PRDM11: variants seen among roughly 807,000 people sequenced by gnomAD.
PRDM11 encodes PR/SET domain 11, also known as PR domain-containing protein 11.
Under a neutral mutation model 97.8 loss-of-function variants are expected in PRDM11, and 20 were observed. The ratio of observed to expected loss-of-function variants is 0.20; its 90% CI spans 0.14 to 0.30. The LOEUF is 0.30. Among genes scored for constraint, PRDM11 ranks in the 10% least tolerant of loss-of-function variants. The probability of loss-of-function intolerance (pLI) is 1.00; values close to 1 mark genes in which losing one functional copy is unlikely to be tolerated. For missense variants in PRDM11, 1,139 were observed against 1,555.2 expected (o/e 0.73, Z 4.50); for synonymous variants, 599 against 637.7 (o/e 0.94, Z 0.91).
chr11:45,201,955 G>A (rs1352833333), intron 4 of PRDM11, among the ~76,000 whole-genome samples: 1 of 151,930 alleles, frequency 6.6e-6, no homozygotes, highest in Non-Finnish European at 1.5e-5. Context: ...CTGGGTGATG[G>A]AGCGAGACTC....
At position 45,225,990 on chromosome 11, in the gene PRDM11, T is replaced by C; in HGVS notation, c.1370-5T>C. 1 of 1,476,658 alleles carries C rather than the reference T, an allele frequency of 6.8e-7. No homozygotes were observed. The highest frequency in any genetic ancestry group is 9.0e-7 in the Non-Finnish European group (1 of 1,116,406). The allele number at this position is 1,476,658 out of a possible 1,614,324, so 91.5% of individuals were successfully genotyped here. ...ATAAATGTTTCTTTCCCATTTGTTT[T>C]TCAGCCTCAGAAAGCATGGTCTCCG... is the stretch of plus-strand genomic sequence containing the variant. On this transcript the variant is annotated splice_region_variant and splice_polypyrimidine_tract_variant and intron_variant, in intron 7 of 7. Transcript: ENST00000683152.
chr11:45,185,973 C>T (rs561146237), intron 4 of PRDM11, among the ~76,000 whole-genome samples: 10 of 151,932 alleles, frequency 6.6e-5, no homozygotes, highest in Admixed American at 3.3e-4. Flanking sequence ...GCTCTGCTGG[C>T]CTTCGAGATA....
intron 1 of PRDM11, among the ~76,000 whole-genome samples, chr11:45,129,943 T>G (rs1852681866): frequency 6.6e-6 from 1 of 152,108 alleles, no homozygotes; most frequent in Non-Finnish European, 1.5e-5. Flanking sequence ...AATAGAAGAA[T>G]GAAGTAGGAT....
At position 45,228,050 on chromosome 11, in the gene PRDM11, G is replaced by A; in HGVS notation, c.3425G>A (p.Gly1142Glu). 12 of 1,533,762 alleles carry A rather than the reference G, an allele frequency of 7.8e-6. No homozygotes were observed. Among genetic ancestry groups the A allele is most frequent in the Non-Finnish European group, 9.6e-6 (11 of 1,146,714 alleles). Residue 1142 changes from glycine (G) to glutamate (E), a missense_variant, in exon 8 of 8, where the codon GGG (glycine) becomes GAG (glutamate). Coordinates refer to ENST00000683152, the MANE Select transcript of PRDM11 (RefSeq NM_001384648.1). ...ALDSWFEEKS[G>E]NSYALSAEVL... ...GACAGCTGGTTTGAGGAGAAGTCTG[G>A]GAACAGTTACGCGCTGTCTGCAGAA...
rs1854388892 is a variant in PRDM11, at chr11:45,231,004, T to G, written c.*2845T>G. The stretch of plus-strand genomic sequence containing the variant: ...ACAGCATGCAGCTGCAGGGGTCACT[T>G]CCTGAGCTGGCCACCAGACCTCGGA... On this transcript the variant is annotated 3_prime_UTR_variant, in exon 8 of 8. Transcript: ENST00000683152. 1 of 152,230 alleles carries G rather than the reference T, an allele frequency of 6.6e-6. No individual in the cohort carries two copies. The highest frequency in any genetic ancestry group is 1.5e-5 in the Non-Finnish European group (1 of 68,048). The allele number at this position is 152,230 out of a possible 1,614,324, so 9.4% of individuals were successfully genotyped here.
chr11:45,111,503 G>C (rs1852180393), intron 1 of PRDM11, among the ~76,000 whole-genome samples: 1 of 152,152 alleles, frequency 6.6e-6, no homozygotes, highest in African/African-American at 2.4e-5. Context: ...TGAACACTCA[G>C]TTAAGGTTCT....
At chr11:45,167,215 T>A (rs1852085032) in intron 1 of PRDM11, among the ~76,000 whole-genome samples, 2 of 152,242 alleles carry the variant, frequency 1.3e-5, no homozygotes, top group Non-Finnish European at 2.9e-5. Context: ...CAAGGTCTTA[T>A]TGGAGCTTAC....
chr11:45,100,263 G>A (rs896700066), intron 1 of PRDM11, among the ~76,000 whole-genome samples: 2 of 152,200 alleles, frequency 1.3e-5, no homozygotes, highest in African/African-American at 4.8e-5. Flanking sequence ...TAAAATCCGA[G>A]TGACTGAGAC....
chr11:45,095,210 G>T (rs1851872969), upstream of PRDM11, among the ~76,000 whole-genome samples: 1 of 152,176 alleles, frequency 6.6e-6, no homozygotes. Context: ...CCTGCCATGG[G>T]CCTCAAAGCC....
chr11:45,145,073 T>A (rs566501066), upstream of PRDM11, among the ~76,000 whole-genome samples: 1 of 152,048 alleles, frequency 6.6e-6, no homozygotes, highest in East Asian at 1.9e-4. Flanking sequence ...GAACCTCATA[T>A]AACGATAGGG....
At chr11:45,201,825 TAGTC>T (rs1853338953) in intron 4 of PRDM11, among the ~76,000 whole-genome samples, 1 of 151,708 alleles carries the variant, frequency 6.6e-6, no homozygotes, top group Non-Finnish European at 1.5e-5. Flanking sequence ...CAAAAAAAAT[TAGTC>T]AGGCATGGTG....
intron 4 of PRDM11, 110 bp from the exon 5 acceptor site, chr11:45,204,601 A>G: frequency 3.2e-6 from 3 of 936,470 alleles, no homozygotes; most frequent in Non-Finnish European, 5.2e-6. Context: ...TTTCAGGGGG[A>G]GGGGGAGGGA....
chr11:45,156,433 A>G (rs1851795416), intron 1 of PRDM11, among the ~76,000 whole-genome samples: 1 of 152,220 alleles, frequency 6.6e-6, no homozygotes, highest in Non-Finnish European at 1.5e-5. Context: ...CTCTTGGAAC[A>G]CTGGGAGCAC....
intron 5 of PRDM11, chr11:45,214,509 G>C (rs999410750): frequency 1.3e-5 from 2 of 151,990 alleles, no homozygotes; most frequent in Admixed American, 1.3e-4. Flanking sequence ...TTTGTCCCAC[G>C]TAGGGAGAAT....
At chr11:45,171,530 G>A (rs777015158) in intron 1 of PRDM11, among the ~76,000 whole-genome samples, 11 of 152,270 alleles carry the variant, frequency 7.2e-5, no homozygotes, top group Admixed American at 2.6e-4. Context: ...TGGGCTTAAG[G>A]GAGAGGGGTG....
intron 1 of PRDM11, among the ~76,000 whole-genome samples, chr11:45,119,889 G>A (rs1261232741): frequency 6.6e-6 from 1 of 152,168 alleles, no homozygotes; most frequent in Non-Finnish European, 1.5e-5. Flanking sequence ...GGGGGAAAAT[G>A]TGAACAAAAA....
chr11:45,161,996 A>G (rs1234961282), intron 1 of PRDM11, among the ~76,000 whole-genome samples: 1 of 152,228 alleles, frequency 6.6e-6, no homozygotes, highest in Non-Finnish European at 1.5e-5. Context: ...AGGCGACCTA[A>G]TGTGACAGTC....
intron 1 of PRDM11, among the ~76,000 whole-genome samples, chr11:45,159,221 C>T (rs1425628552): frequency 6.6e-6 from 1 of 152,266 alleles, no homozygotes; most frequent in African/African-American, 2.4e-5. Context: ...CTCATTTCTT[C>T]CTGGACCCTT....
chr11:45,155,890 C>T (rs1001289328), intron 1 of PRDM11, among the ~76,000 whole-genome samples: 3 of 152,042 alleles, frequency 2.0e-5, no homozygotes, highest in Admixed American at 6.5e-5. Flanking sequence ...TGAGTGTGGA[C>T]GGGCATGTTC....
Sources: allele counts gnomAD v4.1 joint callset (sites outside exome capture counted in the v4.1 genomes callset), GRCh38; gene constraint gnomAD v4.1.1; transcripts MANE v1.5; gene names NCBI Gene and HGNC (gene_info 2026-07-23, HGNC 2026-07-21).